The following CLASP2 variants were observed in gnomAD, a reference collection of about 807,000 sequenced individuals.
The protein encoded by CLASP2 is cytoplasmic linker associated protein 2.
In CLASP2, 47 loss-of-function variants were observed where a neutral mutation model predicts 194.4. That is an observed-to-expected ratio of 0.24 (90% CI 0.19 to 0.31). The LOEUF (loss-of-function observed/expected upper bound fraction) is 0.31. CLASP2 is among the 10% of genes least tolerant of loss of function. The probability of loss-of-function intolerance (pLI) is 1.00; values close to 1 mark genes in which losing one functional copy is unlikely to be tolerated. For synonymous variants in CLASP2, 619 were observed against 633.5 expected (o/e 0.98, Z 0.34); for missense variants, 1,445 against 1,823.6 (o/e 0.79, Z 3.78).
At position 33,607,518 on chromosome 3, in the gene CLASP2, T is replaced by C. The variant is rs931649221; in HGVS notation, c.1449-57A>G. The C allele has an allele frequency of 1.9e-5, 24 of 1,277,952 alleles. No individual in the cohort carries two copies. In the East Asian group the frequency reaches 2.2e-4, roughly 12 times the overall value. The allele number at this position is 1,277,952 out of a possible 1,614,324, so 79.2% of individuals were successfully genotyped here. A position where few individuals can be genotyped will look rare whatever the true frequency, so the allele number is the denominator to read the frequency against. On this transcript the variant is annotated intron_variant, in intron 14 of 38. Coordinates refer to ENST00000682230, the MANE Select transcript of CLASP2 (RefSeq NM_001365631.1). The stretch of plus-strand genomic sequence containing the variant: ...ATATAGCTGTATGTTTCACCACAAA[T>C]GGTACTTAAGGCCTATATGTTACAT...
intron 8 of CLASP2, among the ~76,000 whole-genome samples, chr3:33,635,884 A>G (rs1247388405): frequency 1.3e-5 from 2 of 152,194 alleles, no homozygotes; most frequent in Admixed American, 6.5e-5. Context: ...TTTAATACAA[A>G]TAAGAGACAA....
At chr3:33,673,295 C>T (rs1235092839) in intron 6 of CLASP2, among the ~76,000 whole-genome samples, 1 of 152,176 alleles carries the variant, frequency 6.6e-6, no homozygotes, top group African/African-American at 2.4e-5. Context: ...ATTCAACATT[C>T]TTAAAGAAAA....
At chr3:33,677,000 T>A (rs1201027595) in intron 6 of CLASP2, among the ~76,000 whole-genome samples, 1 of 152,106 alleles carries the variant, frequency 6.6e-6, no homozygotes, top group Non-Finnish European at 1.5e-5. Flanking sequence ...AAAACTACAA[T>A]GAGATATCAT....
intron 8 of CLASP2, among the ~76,000 whole-genome samples, chr3:33,643,615 A>G (rs912061346): frequency 6.6e-6 from 1 of 152,016 alleles, no homozygotes; most frequent in East Asian, 1.9e-4. Context: ...GTGCATCTAT[A>G]TATATATTTA....
At chr3:33,589,445 G>A (rs1323916228) in intron 21 of CLASP2, among the ~76,000 whole-genome samples, 1 of 152,072 alleles carries the variant, frequency 6.6e-6, no homozygotes, top group African/African-American at 2.4e-5. Context: ...ACAAAGTAAG[G>A]ATGATGATCA....
chr3:33,626,838 A>G (rs1027692042), intron 10 of CLASP2, 150 bp downstream of exon 10: 1 of 571,788 alleles, frequency 1.7e-6, no homozygotes, highest in Non-Finnish European at 3.1e-6. Context: ...AATGAGTATT[A>G]TATCAATATA....
intron 37 of CLASP2, among the ~76,000 whole-genome samples, chr3:33,505,797 T>C (rs1575602705): frequency 6.6e-6 from 1 of 152,210 alleles, no homozygotes; most frequent in Non-Finnish European, 1.5e-5. Flanking sequence ...CTCATGCCTG[T>C]AATCCCAACA....
chr3:33,661,653 G>A (rs529556901), intron 7 of CLASP2, among the ~76,000 whole-genome samples: 46 of 152,270 alleles, frequency 3.0e-4, no homozygotes, highest in Admixed American at 3.3e-4. Context: ...TTGGACATAG[G>A]AAGCTTGAAA....
Position 33,576,446 on chromosome 3 carries a change from G to C in CLASP2, c.2348-171C>G, listed in dbSNP as rs890222827. 1.8e-5 allele frequency: 10 copies of C among 545,594 alleles called. No homozygotes were observed. The African/African-American group carries it at 1.9e-4, about 11-fold the overall frequency. 33.8% of individuals were successfully genotyped at this position (545,594 alleles called of 1,614,324 possible). ...CATTTAGTTTTTGGCAAAATAAAAGGGTAAAGACAATTAAAATTACTGACA... is the reference window on the plus strand; with the variant it reads ...CATTTAGTTTTTGGCAAAATAAAAGCGTAAAGACAATTAAAATTACTGACA... On this transcript the variant is annotated intron_variant, in intron 23 of 38. Transcript: ENST00000682230.
intron 8 of CLASP2, among the ~76,000 whole-genome samples, chr3:33,635,819 A>C (rs1422956729): frequency 6.6e-6 from 1 of 152,242 alleles, no homozygotes; most frequent in African/African-American, 2.4e-5. Flanking sequence ...TCAAATATAC[A>C]AACAAATATT....
intron 34 of CLASP2, among the ~76,000 whole-genome samples, chr3:33,526,542 A>G (rs556002594): frequency 6.6e-6 from 1 of 152,344 alleles, no homozygotes; most frequent in East Asian, 1.9e-4. Flanking sequence ...GGAGACTTCA[A>G]CACTCCACTG....
intron 2 of CLASP2, among the ~76,000 whole-genome samples, chr3:33,692,830 A>T (rs2091493956): frequency 6.6e-6 from 1 of 152,202 alleles, no homozygotes; most frequent in Admixed American, 6.5e-5. Flanking sequence ...AATCTATCAC[A>T]GACTGGAATT....
At chr3:33,677,340 G>T (rs2088893186) in intron 6 of CLASP2, among the ~76,000 whole-genome samples, 1 of 150,578 alleles carries the variant, frequency 6.6e-6, no homozygotes, top group Non-Finnish European at 1.5e-5. Flanking sequence ...TTAAGAAAAT[G>T]TGGCACATAT....
chr3:33,602,442 A>G (rs2072512886), intron 18 of CLASP2: 3 of 692,606 alleles, frequency 4.3e-6, no homozygotes, highest in Non-Finnish European at 7.9e-6. Context: ...TGAAGAAGAG[A>G]TACGCAAACC....
intron 28 of CLASP2, among the ~76,000 whole-genome samples, chr3:33,560,010 A>G (rs983489657): frequency 3.9e-5 from 6 of 152,134 alleles, no homozygotes; most frequent in African/African-American, 1.2e-4. Flanking sequence ...GTTTCTCTAT[A>G]CCTAAAATCT....
chr3:33,606,421 G>GA (rs1447217946), intron 16 of CLASP2, among the ~76,000 whole-genome samples, 170 bp downstream of exon 16: 4 of 152,190 alleles, frequency 2.6e-5, no homozygotes, highest in Non-Finnish European at 5.9e-5. Context: ...AATTATGCTG[G>GA]AAAGTAATCC....
intron 34 of CLASP2, among the ~76,000 whole-genome samples, chr3:33,519,993 A>G (rs916904875): frequency 1.3e-5 from 2 of 152,144 alleles, no homozygotes; most frequent in Admixed American, 6.5e-5. Context: ...TGGCTTTATG[A>G]TATTTTTGAT....
intron 37 of CLASP2, chr3:33,504,438 T>C (rs1028916003): frequency 1.3e-5 from 2 of 152,218 alleles, no homozygotes; most frequent in Non-Finnish European, 2.9e-5. Context: ...TTTCCTTAAA[T>C]GCCTGGGGTC....
intron 27 of CLASP2, chr3:33,563,953 C>T (rs896406782): frequency 2.2e-6 from 1 of 455,264 alleles, no homozygotes; most frequent in African/African-American, 2.0e-5. Context: ...CATTTACACA[C>T]AGTATGTGAC....
Sources: gnomAD v4.1 joint callset for allele counts (sites outside exome capture counted in the v4.1 genomes callset) on GRCh38, gnomAD v4.1.1 for gene constraint, MANE v1.5 for transcripts, NCBI Gene and HGNC (gene_info 2026-07-23, HGNC 2026-07-21) for gene names.